Variants in EFCAB6 observed in about 807,000 individuals in gnomAD.
The protein encoded by EFCAB6 is EF-hand calcium-binding domain-containing protein 6.
In EFCAB6, 156 loss-of-function variants were observed where a neutral mutation model predicts 169.8. That is an observed-to-expected ratio of 0.92 (90% CI 0.81 to 1.05). The LOEUF (loss-of-function observed/expected upper bound fraction) is 1.05. Ranked by LOEUF, EFCAB6 falls within the 50% of genes least tolerant of loss-of-function variation. The probability of loss-of-function intolerance (pLI) is 0.00; values close to 1 mark genes in which losing one functional copy is unlikely to be tolerated. For synonymous variants in EFCAB6, 698 were observed against 676.4 expected (o/e 1.03, Z -0.50); for missense variants, 1,800 against 1,829.1 (o/e 0.98, Z 0.29).
intron 22 of EFCAB6, among the ~76,000 whole-genome samples, chr22:43,606,344 T>C (rs1408367015): frequency 4.6e-5 from 7 of 152,228 alleles, no homozygotes; most frequent in Non-Finnish European, 7.3e-5. Context: ...TCTGGATTAC[T>C]CGTTTATCTT....
chr22:43,536,401 A>G (rs1376837438), intron 29 of EFCAB6: 2 of 152,216 alleles, frequency 1.3e-5, no homozygotes, highest in Non-Finnish European at 2.9e-5. Flanking sequence ...TTATGATAAA[A>G]GTAATTTATA....
intron 22 of EFCAB6, among the ~76,000 whole-genome samples, chr22:43,608,231 A>G (rs905444070): frequency 6.6e-6 from 1 of 152,196 alleles, no homozygotes; most frequent in East Asian, 1.9e-4. Context: ...AAACCTCTCA[A>G]GTCTGGTATG....
intron 2 of EFCAB6, among the ~76,000 whole-genome samples, chr22:43,801,440 A>G (rs1256086530): frequency 1.3e-5 from 2 of 152,230 alleles, no homozygotes; most frequent in Non-Finnish European, 2.9e-5. Flanking sequence ...ATACTCTAAT[A>G]CTGGAATTGT....
chr22:43,713,626 AG>A (rs2059233978), intron 9 of EFCAB6, among the ~76,000 whole-genome samples: 2 of 152,320 alleles, frequency 1.3e-5, no homozygotes, highest in Admixed American at 6.5e-5. Flanking sequence ...CTCCACTCCT[AG>A]GTGTAATTTC....
At chr22:43,741,287 C>T (rs756748710) in intron 6 of EFCAB6, among the ~76,000 whole-genome samples, 4 of 152,196 alleles carry the variant, frequency 2.6e-5, no homozygotes, top group Middle Eastern at 3.4e-3. Context: ...TCTTCTCATC[C>T]GCTATGAGCT....
intron 18 of EFCAB6, among the ~76,000 whole-genome samples, chr22:43,634,145 G>A (rs1569288828): frequency 6.6e-6 from 1 of 152,122 alleles, no homozygotes; most frequent in African/African-American, 2.4e-5. Context: ...TGCACCCTGG[G>A]CCCCAATTTC....
At chr22:43,633,710 G>A (rs561261504) in intron 18 of EFCAB6, among the ~76,000 whole-genome samples, 2 of 152,150 alleles carry the variant, frequency 1.3e-5, no homozygotes, top group East Asian at 1.9e-4. Flanking sequence ...TTGCTCCTGC[G>A]CCCTCCCCAC....
intron 9 of EFCAB6, among the ~76,000 whole-genome samples, chr22:43,716,147 T>G (rs2059325393): frequency 6.6e-6 from 1 of 152,252 alleles, no homozygotes; most frequent in African/African-American, 2.4e-5. Flanking sequence ...TTACCCACAT[T>G]ACTTACATTT....
chr22:43,635,353 C>CA (rs963891101), intron 17 of EFCAB6, 137 bp from the exon 18 acceptor site: 2 of 674,040 alleles, frequency 3.0e-6, no homozygotes. Flanking sequence ...CACAGGCTGC[C>CA]AGGGGGTGGG....
At chr22:43,598,520 TAAC>T (rs1602514609) in intron 23 of EFCAB6, among the ~76,000 whole-genome samples, 1 of 152,098 alleles carries the variant, frequency 6.6e-6, no homozygotes, top group East Asian at 1.9e-4. Context: ...AAATTATACT[TAAC>T]AATTTTATTG....
intron 8 of EFCAB6, among the ~76,000 whole-genome samples, chr22:43,726,954 C>T (rs1457954153): frequency 6.6e-6 from 1 of 152,104 alleles, no homozygotes; most frequent in Non-Finnish European, 1.5e-5. Context: ...TTTACTATAT[C>T]CAGAATAAAT....
chr22:43,735,235 GAGTCAGGAGC>G (rs1241426015), intron 7 of EFCAB6, among the ~76,000 whole-genome samples: 1 of 152,048 alleles, frequency 6.6e-6, no homozygotes, highest in Non-Finnish European at 1.5e-5. Flanking sequence ...GCTGCCCTTG[GAGTCAGGAGC>G]AGGTGGTGGT....
At chr22:43,803,525 G>T (rs904927332) in intron 2 of EFCAB6, among the ~76,000 whole-genome samples, 6 of 151,840 alleles carry the variant, frequency 4.0e-5, no homozygotes, top group Admixed American at 1.3e-4. Flanking sequence ...AATAAAGCTG[G>T]GTATAGTTTG....
intron 3 of EFCAB6, among the ~76,000 whole-genome samples, chr22:43,780,140 C>CT (rs1308326127): frequency 1.3e-5 from 2 of 152,094 alleles, no homozygotes; most frequent in East Asian, 3.8e-4. Flanking sequence ...TGAGAATGTG[C>CT]TAAGGTGTGA....
intron 23 of EFCAB6, among the ~76,000 whole-genome samples, chr22:43,593,692 C>G (rs566298870): frequency 6.6e-6 from 1 of 152,176 alleles, no homozygotes; most frequent in Non-Finnish European, 1.5e-5. Context: ...TCCCTGTGTC[C>G]TTGGCATTCT....
chr22:43,643,460 C>T (rs937564116), intron 17 of EFCAB6, among the ~76,000 whole-genome samples: 2 of 152,236 alleles, frequency 1.3e-5, no homozygotes, highest in Non-Finnish European at 1.5e-5. Flanking sequence ...CTCACGGTCA[C>T]GTGTGAGCAA....
chr22:43,653,084 G>C (rs2056557062), intron 17 of EFCAB6, among the ~76,000 whole-genome samples: 1 of 152,192 alleles, frequency 6.6e-6, no homozygotes, highest in South Asian at 2.1e-4. Context: ...CTACACAAAA[G>C]AGTGAAGAGA....
chr22:43,621,940 G>A (rs2054142193), intron 20 of EFCAB6, among the ~76,000 whole-genome samples: 5 of 152,168 alleles, frequency 3.3e-5, no homozygotes, highest in Admixed American at 3.3e-4. Flanking sequence ...CAACCTTGAT[G>A]ACCAATATTT....
At chr22:43,557,124 G>A (rs2048754473) in intron 26 of EFCAB6, among the ~76,000 whole-genome samples, 1 of 152,184 alleles carries the variant, frequency 6.6e-6, no homozygotes, top group South Asian at 2.1e-4. Flanking sequence ...ATGGGAAGAT[G>A]GGAGTCCTGG....
Sources: allele counts gnomAD v4.1 joint callset (sites outside exome capture counted in the v4.1 genomes callset), GRCh38; gene constraint gnomAD v4.1.1; transcripts MANE v1.5; gene names NCBI Gene and HGNC (gene_info 2026-07-23, HGNC 2026-07-21).